Variants in CRYBG1 observed in about 807,000 individuals in gnomAD.
CRYBG1 encodes the protein crystallin beta-gamma domain containing 1.
A neutral mutation model predicts 189.2 loss-of-function variants in CRYBG1; 139 were observed. That is an observed-to-expected ratio of 0.73 (90% CI 0.64 to 0.85). The LOEUF is 0.85. Ranked by LOEUF, CRYBG1 falls within the 40% of genes least tolerant of loss-of-function variation. The pLI is 0.00. For missense variants in CRYBG1, 2,611 were observed against 2,675.8 expected, an observed-to-expected ratio of 0.98 and a Z score of 0.53; for synonymous variants, 1,023 against 1,017.1, an observed-to-expected ratio of 1.01 and a Z score of -0.11.
chr6:106,560,818 A>G lies in CRYBG1; in HGVS notation c.5871A>G (p.Glu1957=), dbSNP rs763317305. The G allele has an allele frequency of 1.2e-6, 2 of 1,612,330 alleles. No homozygotes were observed. Among genetic ancestry groups the G allele is most frequent in the Non-Finnish European group, 1.7e-6 (2 of 1,179,394 alleles). ...TTGTTTTCAGATGGGTTACTTATGA[A>G]TATGGCAGTTACAGAGGGCGACAGT... ...QVIGGIWVTY[E]YGSYRGRQFL... The change falls in exon 19 of 22, where the codon GAA becomes GAG. Residue 1957 remains glutamate (E), a synonymous_variant. Transcript: ENST00000633556.
At position 106,391,928 on chromosome 6, in the gene CRYBG1, C is replaced by CGT. The variant is rs57024907; in HGVS notation, c.173+30889_173+30890dup. On this transcript the variant is annotated intron_variant, in intron 1 of 21. Coordinates refer to ENST00000633556, the MANE Select transcript of CRYBG1 (RefSeq NM_001371242.2). ...GTTTCCAAAAGCCTGTTGTTTAAAACGTGTGTGTGTGTGTGTGTGTGTGTG... is the reference window on the plus strand; with the variant it reads ...GTTTCCAAAAGCCTGTTGTTTAAAACGTGTGTGTGTGTGTGTGTGTGTGTGTG... Among the ~76,000 whole-genome samples, 1,026 of 131,358 alleles carry CGT rather than the reference C, an allele frequency of 7.8e-3. 5 individuals carry two copies. The highest frequency in any genetic ancestry group is 9.2e-3 in the Non-Finnish European group (568 of 61,502). 86.2% of individuals were successfully genotyped at this position (131,358 alleles called of 152,430 possible).
chr6:106,491,299 A>ATGTGTCT (rs1582792961), intron 2 of CRYBG1, among the ~76,000 whole-genome samples: 1 of 152,284 alleles, frequency 6.6e-6, no homozygotes, highest in East Asian at 1.9e-4. Flanking sequence ...AGGCAGGTAG[A>ATGTGTCT]TGTGTCTTTT....
intron 1 of CRYBG1, among the ~76,000 whole-genome samples, chr6:106,433,318 C>T (rs943332799): frequency 3.3e-5 from 5 of 152,100 alleles, no homozygotes; most frequent in Admixed American, 6.5e-5. Context: ...ATACTGTGCA[C>T]CTCTTCTGGT....
chr6:106,530,211 A>G lies in CRYBG1; in HGVS notation c.4614A>G (p.Glu1538=), dbSNP rs1414724749. ...YRVSHIDLFT[E]PEGLGILSSY... The stretch of plus-strand genomic sequence containing the variant: ...TTAGTCACATTGACTTATTTACTGA[A>G]CCAGAAGGGTTAGGAATCCTAAGTT... The change falls in exon 8 of 22, where the codon GAA becomes GAG. Residue 1538 remains glutamate (E), a synonymous_variant. Coordinates refer to ENST00000633556, the MANE Select transcript of CRYBG1 (RefSeq NM_001371242.2). 3 of 1,613,306 alleles carry G rather than the reference A, an allele frequency of 1.9e-6. No individual in the cohort carries two copies.
chr6:106,511,931 G>A lies in CRYBG1; in HGVS notation c.814G>A (p.Ala272Thr), dbSNP rs897281137. Residue 272 changes from alanine (A) to threonine (T), a missense_variant, in exon 3 of 22, where the codon GCC becomes ACC. Ala to Thr is a moderately conservative substitution (Grantham distance 58). This residue lies in a region of CRYBG1 where 985 missense variants were observed against 924.4 expected (regional missense o/e 1.07). Coordinates refer to ENST00000633556, the MANE Select transcript of CRYBG1 (RefSeq NM_001371242.2). ...SSRQENAETP[A>T]RSPGEDASPG... Reference sequence around the variant, plus strand: ...CAGGCAAGAGAACGCAGAGACGCCCGCCCGCAGTCCGGGGGAGGACGCTTC... The same window carrying A: ...CAGGCAAGAGAACGCAGAGACGCCCACCCGCAGTCCGGGGGAGGACGCTTC... The A allele has an allele frequency of 3.1e-5, 48 of 1,525,124 alleles. No individual in the cohort carries two copies. The highest frequency in any genetic ancestry group is 4.2e-5 in the Non-Finnish European group (48 of 1,140,018). The allele number at this position is 1,525,124 out of a possible 1,614,324, so 94.5% of individuals were successfully genotyped here. A position where few individuals can be genotyped will look rare whatever the true frequency, so the allele number is the denominator to read the frequency against.
intron 1 of CRYBG1, among the ~76,000 whole-genome samples, chr6:106,423,188 G>T (rs1183548039): frequency 6.7e-6 from 1 of 149,840 alleles, no homozygotes; most frequent in Non-Finnish European, 1.5e-5. Flanking sequence ...ATAGTAGCAG[G>T]ATTAATATTA....
intron 1 of CRYBG1, among the ~76,000 whole-genome samples, chr6:106,423,141 T>G (rs1004401308): frequency 2.0e-5 from 3 of 151,716 alleles, no homozygotes; most frequent in African/African-American, 7.3e-5. Flanking sequence ...CTACAGAAAA[T>G]AATGAATTGA....
At chr6:106,381,682 C>A (rs974235309) in intron 1 of CRYBG1, among the ~76,000 whole-genome samples, 2 of 152,214 alleles carry the variant, frequency 1.3e-5, no homozygotes, top group African/African-American at 4.8e-5. Context: ...GAACTCAGAA[C>A]TATGCCGTCT....
At chr6:106,412,436 GA>G (rs1443937918) in intron 1 of CRYBG1, among the ~76,000 whole-genome samples, 1 of 152,154 alleles carries the variant, frequency 6.6e-6, no homozygotes, top group Non-Finnish European at 1.5e-5. Context: ...GAGACTTCTT[GA>G]ATACTTCATT....
intron 1 of CRYBG1, among the ~76,000 whole-genome samples, chr6:106,376,660 T>C (rs1036102897): frequency 2.6e-5 from 4 of 152,190 alleles, no homozygotes; most frequent in African/African-American, 7.2e-5. Context: ...AGAGGCTTCC[T>C]GCCATTGGGA....
chr6:106,444,835 C>G, intron 1 of CRYBG1, among the ~76,000 whole-genome samples: 1 of 152,266 alleles, frequency 6.6e-6, no homozygotes, highest in African/African-American at 2.4e-5. Flanking sequence ...TGGCTCCCAG[C>G]CTTCAGGCTG....
intron 2 of CRYBG1, among the ~76,000 whole-genome samples, chr6:106,509,420 A>G (rs9486375): frequency 0.25 from 37,885 of 152,160 alleles, 5,499 homozygotes; most frequent in Non-Finnish European, 0.33. Context: ...AATTCTTCCT[A>G]TATTATTTAT....
At chr6:106,548,045 T>C (rs1388795382) in intron 13 of CRYBG1, among the ~76,000 whole-genome samples, 1 of 152,228 alleles carries the variant, frequency 6.6e-6, no homozygotes, top group Admixed American at 6.5e-5. Context: ...AGGGCAGGTT[T>C]ACCCTGCTGC....
intron 1 of CRYBG1, among the ~76,000 whole-genome samples, chr6:106,372,079 C>T (rs1339195732): frequency 6.6e-6 from 1 of 152,186 alleles, no homozygotes; most frequent in Non-Finnish European, 1.5e-5. Context: ...TTTCTGGTTG[C>T]CTTTCTGTGT....
At chr6:106,403,161 G>A (rs184834264) in intron 1 of CRYBG1, among the ~76,000 whole-genome samples, 25 of 152,110 alleles carry the variant, frequency 1.6e-4, no homozygotes, top group Non-Finnish European at 2.6e-4. Flanking sequence ...AAAGCCAGAC[G>A]CCTTCTCTTA....
At chr6:106,391,228 A>G (rs990930916) in intron 1 of CRYBG1, among the ~76,000 whole-genome samples, 3 of 152,018 alleles carry the variant, frequency 2.0e-5, no homozygotes, top group Non-Finnish European at 4.4e-5. Flanking sequence ...GATTACAGGC[A>G]TGCACCACCA....
At chr6:106,536,171 G>C (rs1018356846) in intron 8 of CRYBG1, among the ~76,000 whole-genome samples, 1 of 152,138 alleles carries the variant, frequency 6.6e-6, no homozygotes, top group East Asian at 1.9e-4. Flanking sequence ...ATGTTCTTCT[G>C]TTGCCCGAAT....
chr6:106,527,056 G>C (rs1445711957), intron 6 of CRYBG1, among the ~76,000 whole-genome samples: 1 of 150,364 alleles, frequency 6.7e-6, no homozygotes, highest in Admixed American at 6.6e-5. Flanking sequence ...AACATTAGTA[G>C]CTCTATAGCA....
In CRYBG1 at chr6:106,544,553, G is replaced by T. The variant is rs373246956; in HGVS notation, c.5040-18G>T. 5.7e-5 allele frequency: 92 copies of T among 1,610,448 alleles called. No homozygotes were observed. Among genetic ancestry groups the T allele is most frequent in the Non-Finnish European group, 7.3e-5 (86 of 1,178,670 alleles). Reference sequence around the variant, plus strand: ...ACATGTCTGGAAATGACTACTCCTCGTGTTCTTTATGTTGCAGTTGGGTTG... The same window carrying T: ...ACATGTCTGGAAATGACTACTCCTCTTGTTCTTTATGTTGCAGTTGGGTTG... On this transcript the variant is annotated intron_variant, in intron 11 of 21. Coordinates refer to ENST00000633556, the MANE Select transcript of CRYBG1 (RefSeq NM_001371242.2).
Sources: gnomAD v4.1 joint callset for allele counts (sites outside exome capture counted in the v4.1 genomes callset) on GRCh38, gnomAD v4.1.1 for gene constraint, gnomAD v4.1.1 regional missense constraint, MANE v1.5 for transcripts, NCBI Gene and HGNC (gene_info 2026-07-23, HGNC 2026-07-21) for gene names.